The following CLSTN2 variants were observed in gnomAD, a reference collection of about 807,000 sequenced individuals.
CLSTN2 encodes the protein calsyntenin-2.
Under a neutral mutation model 101.2 loss-of-function variants are expected in CLSTN2, and 48 were observed. The ratio of observed to expected loss-of-function variants is 0.47; its 90% CI spans 0.38 to 0.60. The LOEUF (loss-of-function observed/expected upper bound fraction) is 0.60. Among genes scored for constraint, CLSTN2 ranks in the 20% least tolerant of loss-of-function variants. The probability of loss-of-function intolerance (pLI) is 0.00; values close to 1 mark genes in which losing one functional copy is unlikely to be tolerated. For synonymous variants in CLSTN2, 481 were observed against 463.6 expected, an observed-to-expected ratio of 1.04 and a Z score of -0.48; for missense variants, 1,160 against 1,238.2, an observed-to-expected ratio of 0.94 and a Z score of 0.95.
chr3:139,960,964 G>A (rs1267635444), intron 1 of CLSTN2, among the ~76,000 whole-genome samples: 1 of 152,178 alleles, frequency 6.6e-6, no homozygotes, highest in Non-Finnish European at 1.5e-5. Flanking sequence ...GGAATCAAAT[G>A]AATAGCCATC....
intron 2 of CLSTN2, among the ~76,000 whole-genome samples, chr3:140,272,313 A>G (rs1031409192): frequency 6.6e-6 from 1 of 152,214 alleles, no homozygotes; most frequent in African/African-American, 2.4e-5. Flanking sequence ...TTTATGCCAG[A>G]CACAGAGTAA....
chr3:140,376,444 A>T (rs2087917952), intron 2 of CLSTN2, among the ~76,000 whole-genome samples: 1 of 152,208 alleles, frequency 6.6e-6, no homozygotes, highest in Non-Finnish European at 1.5e-5. Flanking sequence ...TGGCAGCATC[A>T]CAGCCTCCTG....
rs1236950320 is a variant in CLSTN2 at position 139,935,681 on chromosome 3, C to T, written c.109+198C>T. On this transcript the variant is annotated intron_variant, in intron 1 of 16. Transcript: ENST00000458420. The surrounding 1 kb of genome is among the most constrained non-coding windows in gnomAD (Gnocchi z 5.5). Reference sequence around the variant, plus strand: ...AGAGGTCCACCCGCGGACGTCAACTCAACCCCTGGGCGGGGTCCGGGGGCT... The same window carrying T: ...AGAGGTCCACCCGCGGACGTCAACTTAACCCCTGGGCGGGGTCCGGGGGCT... Among the ~76,000 whole-genome samples, 2 of 152,190 alleles carry T rather than the reference C, an allele frequency of 1.3e-5. No homozygotes were observed. Among genetic ancestry groups the T allele is most frequent in the Non-Finnish European group, 2.9e-5 (2 of 68,030 alleles).
At chr3:140,492,888 C>T (rs1253960043) in intron 8 of CLSTN2, among the ~76,000 whole-genome samples, 1 of 152,078 alleles carries the variant, frequency 6.6e-6, no homozygotes, top group African/African-American at 2.4e-5. Context: ...AAACTGCCCC[C>T]GCAGGAGACA....
At chr3:140,083,641 G>A (rs546594799) in intron 1 of CLSTN2, among the ~76,000 whole-genome samples, 1 of 152,282 alleles carries the variant, frequency 6.6e-6, no homozygotes, top group Admixed American at 6.5e-5. Flanking sequence ...CACATTCAGA[G>A]GCAGAACCTG....
At chr3:140,450,937 A>G (rs888983619) in intron 6 of CLSTN2, among the ~76,000 whole-genome samples, 3 of 152,146 alleles carry the variant, frequency 2.0e-5, no homozygotes, top group African/African-American at 7.2e-5. Context: ...AAATCACCAC[A>G]ACTTCAATAT....
At chr3:139,965,991 C>A (rs116012935) in intron 1 of CLSTN2, among the ~76,000 whole-genome samples, 1 of 152,152 alleles carries the variant, frequency 6.6e-6, no homozygotes, top group African/African-American at 2.4e-5. Flanking sequence ...AGCATTTTGA[C>A]GCTAGCCAAT....
At chr3:140,189,501 A>G (rs2010530007) in intron 2 of CLSTN2, among the ~76,000 whole-genome samples, 1 of 152,156 alleles carries the variant, frequency 6.6e-6, no homozygotes, top group Admixed American at 6.6e-5. Context: ...ATGGCTGATG[A>G]TGTCAAATGT....
chr3:140,574,625 A>G lies in CLSTN2; in HGVS notation c.*8372A>G, dbSNP rs1985674140. ...ACAGTGTGTATTAATCACAGACAAC[A>G]GAAACGTGTTAGCTTTAATGTCTGT... On this transcript the variant is annotated 3_prime_UTR_variant, in exon 17 of 17. Transcript: ENST00000458420. 1 of 152,272 alleles carries G rather than the reference A, an allele frequency of 6.6e-6. No individual in the cohort carries two copies. Among genetic ancestry groups the G allele is most frequent in the African/African-American group, 2.4e-5 (1 of 41,470 alleles). The allele number at this position is 152,272 out of a possible 1,614,324, so 9.4% of individuals were successfully genotyped here.
chr3:140,249,648 G>A (rs72990136), intron 2 of CLSTN2, among the ~76,000 whole-genome samples: 9,448 of 152,206 alleles, frequency 0.062, 727 homozygotes, highest in African/African-American at 0.18. Context: ...GAAAATGGAG[G>A]ATTGGGGGAC....
intron 1 of CLSTN2, among the ~76,000 whole-genome samples, chr3:140,100,601 C>G (rs1291489939): frequency 6.6e-6 from 1 of 152,206 alleles, no homozygotes; most frequent in Non-Finnish European, 1.5e-5. Flanking sequence ...GCTTTACTTT[C>G]TTTTGCTTTC....
intron 1 of CLSTN2, among the ~76,000 whole-genome samples, chr3:140,079,805 A>T (rs991480318): frequency 2.6e-5 from 4 of 152,018 alleles, no homozygotes; most frequent in African/African-American, 9.7e-5. Flanking sequence ...AGAAGGAGAA[A>T]TAAGAGTTTA....
intron 1 of CLSTN2, among the ~76,000 whole-genome samples, chr3:140,081,963 C>A (rs1364333974): frequency 6.6e-6 from 1 of 152,156 alleles, no homozygotes; most frequent in Non-Finnish European, 1.5e-5. Context: ...GTAACTTGTT[C>A]ATGGCTCACC....
At chr3:140,313,921 G>A (rs528285156) in intron 2 of CLSTN2, among the ~76,000 whole-genome samples, 10 of 152,308 alleles carry the variant, frequency 6.6e-5, no homozygotes, top group East Asian at 1.9e-4. Context: ...ACTTTTTGGC[G>A]TTGTCCCCTT....
intron 2 of CLSTN2, among the ~76,000 whole-genome samples, chr3:140,305,691 G>A (rs2087107316): frequency 6.6e-6 from 1 of 152,202 alleles, no homozygotes; most frequent in African/African-American, 2.4e-5. Flanking sequence ...CCTTAATAGA[G>A]CAATGTGCAG....
At chr3:140,385,656 C>T (rs901231205) in intron 2 of CLSTN2, among the ~76,000 whole-genome samples, 2 of 152,028 alleles carry the variant, frequency 1.3e-5, no homozygotes, top group African/African-American at 2.4e-5. Flanking sequence ...GGATTACAGC[C>T]GTGAGCCACC....
chr3:140,183,896 G>T (rs1206190041), intron 2 of CLSTN2, among the ~76,000 whole-genome samples: 1 of 152,188 alleles, frequency 6.6e-6, no homozygotes, highest in Non-Finnish European at 1.5e-5. Flanking sequence ...CAGTAGTAAT[G>T]GTGAAGTTGT....
intron 2 of CLSTN2, among the ~76,000 whole-genome samples, chr3:140,201,983 C>A (rs995367772): frequency 2.6e-5 from 4 of 152,184 alleles, no homozygotes; most frequent in African/African-American, 9.7e-5. Flanking sequence ...TGAGGGGATG[C>A]ACCCTGTGCT....
chr3:140,118,430 G>A (rs749557509), intron 1 of CLSTN2, among the ~76,000 whole-genome samples: 1 of 152,162 alleles, frequency 6.6e-6, no homozygotes, highest in African/African-American at 2.4e-5. Flanking sequence ...TGGTCTCATC[G>A]CTGCTGGGAC....
Sources: allele counts gnomAD v4.1 joint callset (sites outside exome capture counted in the v4.1 genomes callset), GRCh38; gene constraint gnomAD v4.1.1; non-coding constraint Gnocchi (gnomAD v3.1); transcripts MANE v1.5; gene names NCBI Gene and HGNC (gene_info 2026-07-23, HGNC 2026-07-21).